WDFY3: variants seen among roughly 807,000 people sequenced by gnomAD.
WDFY3 encodes the protein WD repeat and FYVE domain-containing protein 3.
Under a neutral mutation model 409.6 loss-of-function variants are expected in WDFY3, and 66 were observed. The ratio of observed to expected loss-of-function variants is 0.16; its 90% CI spans 0.13 to 0.20. The LOEUF (loss-of-function observed/expected upper bound fraction) is 0.20. Among genes scored for constraint, WDFY3 ranks in the 10% least tolerant of loss-of-function variants. The pLI is 1.00. For missense variants in WDFY3, 3,031 were observed against 4,298.1 expected (o/e 0.71, Z 8.24); for synonymous variants, 1,521 against 1,537.1 (o/e 0.99, Z 0.25).
intron 1 of WDFY3, among the ~76,000 whole-genome samples, chr4:84,948,166 A>G (rs1773139105): frequency 6.6e-6 from 1 of 152,182 alleles, no homozygotes; most frequent in African/African-American, 2.4e-5. Context: ...CCTCTTATCC[A>G]ACTCAGAAAA....
intron 36 of WDFY3, chr4:84,751,192 C>T: frequency 2.3e-6 from 1 of 431,160 alleles, no homozygotes. Context: ...GACCGTATGG[C>T]CCACAAGCTT....
At chr4:84,810,445 G>C (rs1752310440) in intron 13 of WDFY3, 101 bp from the exon 14 acceptor site, 1 of 1,034,376 alleles carries the variant, frequency 9.7e-7, no homozygotes, top group Admixed American at 3.3e-5. Flanking sequence ...CTGTGAATCT[G>C]ACATGTTTTT....
intron 1 of WDFY3, among the ~76,000 whole-genome samples, chr4:84,964,564 G>A (rs559283314): frequency 5.6e-4 from 86 of 152,344 alleles, no homozygotes; most frequent in South Asian, 3.5e-3. Context: ...CTTCAAAGCA[G>A]AGAATCCAAC....
At chr4:84,810,508 A>T (rs540234721) in intron 13 of WDFY3, 164 bp from the exon 14 acceptor site, 98 of 567,480 alleles carry the variant, frequency 1.7e-4, no homozygotes, top group African/African-American at 1.6e-3. Context: ...TTTGCTAATT[A>T]AAAAAGCCAC....
At chr4:84,947,058 C>T (rs1013748990) in intron 1 of WDFY3, among the ~76,000 whole-genome samples, 2 of 151,486 alleles carry the variant, frequency 1.3e-5, no homozygotes, top group Non-Finnish European at 2.9e-5. Flanking sequence ...CCACCCGCCT[C>T]GGCCTCCCAA....
chr4:84,672,063 T>A lies in WDFY3; in HGVS notation c.*805A>T, dbSNP rs1725512435. 6.6e-6 allele frequency: 1 copy of A among 152,196 alleles called. No individual in the cohort carries two copies. Among genetic ancestry groups the A allele is most frequent in the African/African-American group, 2.4e-5 (1 of 41,460 alleles). 9.4% of individuals were successfully genotyped at this position (152,196 alleles called of 1,614,324 possible). A position where few individuals can be genotyped will look rare whatever the true frequency, so the allele number is the denominator to read the frequency against. On this transcript the variant is annotated 3_prime_UTR_variant, in exon 68 of 68. Transcript: ENST00000295888. ...CATACAAGTTTAAAAGGGGCCCTGT[T>A]TATGTAGGAACAACACTGAGGTGGT... is the stretch of plus-strand genomic sequence containing the variant.
chr4:84,964,346 G>A (rs566993332), intron 1 of WDFY3, among the ~76,000 whole-genome samples: 3 of 152,174 alleles, frequency 2.0e-5, no homozygotes, highest in Non-Finnish European at 4.4e-5. Context: ...GCATGCACAT[G>A]TAGTCCTAAC....
intron 14 of WDFY3, 161 bp downstream of exon 14, chr4:84,809,726 G>C: frequency 1.6e-6 from 1 of 614,796 alleles, no homozygotes; most frequent in Admixed American, 3.7e-5. Context: ...AACAATACCA[G>C]AGCAAGAGTA....
intron 1 of WDFY3, among the ~76,000 whole-genome samples, chr4:84,950,588 G>A (rs557551595): frequency 2.8e-3 from 429 of 152,174 alleles, no homozygotes; most frequent in African/African-American, 9.8e-3. Flanking sequence ...TTAGGAGATC[G>A]AGACCATCCT....
chr4:84,851,633 T>A (rs1337640048), intron 4 of WDFY3, among the ~76,000 whole-genome samples: 1 of 152,196 alleles, frequency 6.6e-6, no homozygotes. Context: ...ATATTTTCCA[T>A]GTATTGGTTA....
intron 4 of WDFY3, among the ~76,000 whole-genome samples, chr4:84,851,654 C>T (rs1759025435): frequency 2.0e-5 from 3 of 152,122 alleles, no homozygotes; most frequent in Admixed American, 2.0e-4. Context: ...CAAATTTTGG[C>T]TCAAAGATAC....
chr4:84,962,648 T>C (rs1475633008), intron 1 of WDFY3, among the ~76,000 whole-genome samples: 1 of 151,926 alleles, frequency 6.6e-6, no homozygotes, highest in Non-Finnish European at 1.5e-5. Context: ...TAAACATTAC[T>C]CTAAAAAATT....
At chr4:84,844,842 CACA>C (rs1157275101) in intron 5 of WDFY3, among the ~76,000 whole-genome samples, 1 of 152,104 alleles carries the variant, frequency 6.6e-6, no homozygotes, top group Non-Finnish European at 1.5e-5. Context: ...ACAATCTGGC[CACA>C]ACATTATGTT....
intron 1 of WDFY3, among the ~76,000 whole-genome samples, chr4:84,965,446 T>G (rs769522580): frequency 7.9e-5 from 12 of 152,326 alleles, no homozygotes; most frequent in Non-Finnish European, 1.5e-4. Context: ...TCACATTGTT[T>G]CTGTGAAAGG....
chr4:84,760,147 A>G (rs1742275922), intron 32 of WDFY3, among the ~76,000 whole-genome samples: 1 of 151,946 alleles, frequency 6.6e-6, no homozygotes, highest in South Asian at 2.1e-4. Context: ...CATCCCAGGG[A>G]TGAAGCCCAC....
chr4:84,686,385 C>T (rs1728333339), intron 62 of WDFY3, among the ~76,000 whole-genome samples: 1 of 152,130 alleles, frequency 6.6e-6, no homozygotes, highest in South Asian at 2.1e-4. Context: ...CCTTGCATGT[C>T]CCCCACTCAT....
At chr4:84,683,598 T>C (rs771880599) in intron 63 of WDFY3, among the ~76,000 whole-genome samples, 4 of 152,174 alleles carry the variant, frequency 2.6e-5, no homozygotes, top group East Asian at 1.9e-4. Context: ...CTGCTCACTA[T>C]GTTTTCCCTA....
Position 84,688,315 on chromosome 4 carries a change from T to C in WDFY3, c.9364-50A>G, listed in dbSNP as rs540406395. 1.6e-4 allele frequency: 245 copies of C among 1,569,930 alleles called. 5 individuals are homozygous for C. The Middle Eastern group carries it at 5.1e-3, about 33-fold the overall frequency. Reference sequence around the variant, plus strand: ...AATCAGGTTGATCTCAGTGACAGGGTTCCACAGTGACTCCAGAAGCTCCTG... The same window carrying C: ...AATCAGGTTGATCTCAGTGACAGGGCTCCACAGTGACTCCAGAAGCTCCTG... On this transcript the variant is annotated intron_variant, in intron 61 of 67. Transcript: ENST00000295888.
chr4:84,849,495 C>G (rs148069178), intron 5 of WDFY3, among the ~76,000 whole-genome samples: 1 of 143,146 alleles, frequency 7.0e-6, no homozygotes, highest in Non-Finnish European at 1.5e-5. Context: ...AGAGTATACA[C>G]ATGTTTGAAG....
Sources: gnomAD v4.1 joint callset for allele counts (sites outside exome capture counted in the v4.1 genomes callset) on GRCh38, gnomAD v4.1.1 for gene constraint, MANE v1.5 for transcripts, NCBI Gene and HGNC (gene_info 2026-07-23, HGNC 2026-07-21) for gene names.